The following GIT2 variants were observed in gnomAD, a reference collection of about 807,000 sequenced individuals.
GIT2 encodes ARF GTPase-activating protein GIT2.
In GIT2, 32 loss-of-function variants were observed where a neutral mutation model predicts 100.3. The ratio of observed to expected loss-of-function variants is 0.32; its 90% CI spans 0.24 to 0.43. The LOEUF (loss-of-function observed/expected upper bound fraction) is 0.43, where lower values mean the gene tolerates loss of function less well. GIT2 is among the 20% of genes least tolerant of loss of function. GIT2 has a pLI of 1.00. For synonymous variants in GIT2, 353 were observed against 364.1 expected (o/e 0.97, Z 0.35); for missense variants, 737 against 975.1 (o/e 0.76, Z 3.25).
intron 7 of GIT2, among the ~76,000 whole-genome samples, chr12:109,980,485 T>A (rs1467045933): frequency 6.6e-6 from 1 of 152,206 alleles, no homozygotes; most frequent in African/African-American, 2.4e-5. Context: ...ATAAAACAAG[T>A]AACTGGCTAG....
In GIT2 at chr12:109,948,797, A is replaced by C; in HGVS notation, c.1393-1293T>G. 1 of 1,598,652 alleles carries C rather than the reference A, an allele frequency of 6.3e-7. No homozygotes were observed. Among genetic ancestry groups the C allele is most frequent in the South Asian group, 1.1e-5 (1 of 87,644 alleles). ...TAGAAAGCACCAATCTGTGAAAAATACACCAATAGTAGTTGCTCCTCTTCA... is the reference window on the plus strand; with the variant it reads ...TAGAAAGCACCAATCTGTGAAAAATCCACCAATAGTAGTTGCTCCTCTTCA... On this transcript the variant is annotated intron_variant, in intron 14 of 19. Coordinates refer to ENST00000355312, the MANE Select transcript of GIT2 (RefSeq NM_057169.5). The surrounding 1 kb of genome is among the most constrained non-coding windows in gnomAD (Gnocchi z 4.3).
intron 3 of GIT2, 38 bp from the exon 4 acceptor site, chr12:109,989,106 C>T: frequency 8.6e-7 from 1 of 1,168,920 alleles, no homozygotes; most frequent in Non-Finnish European, 1.3e-6. Flanking sequence ...TTCACTCGTT[C>T]AGATACAACA....
rs1872376747 is a variant in GIT2 at position 109,934,281 on chromosome 12, G to A, written c.2004-196C>T. On this transcript the variant is annotated intron_variant, in intron 18 of 19. Transcript: ENST00000355312. This position sits in a 1 kb window ranked among gnomAD's most constrained non-coding sequence, Gnocchi z 4.5. ...TCATTGCTTCCTAAAAGTTCAATCT[G>A]ATGAAAAGTCTCCAGGTATGAAATA... 1.7e-6 allele frequency: 1 copy of A among 579,330 alleles called. No individual in the cohort carries two copies. Among genetic ancestry groups the A allele is most frequent in the East Asian group, 2.9e-5 (1 of 35,058 alleles). 35.9% of individuals were successfully genotyped at this position (579,330 alleles called of 1,614,324 possible).
chr12:109,965,492 A>AT (rs1456043005), intron 9 of GIT2, 34 bp downstream of exon 9: 2 of 1,324,262 alleles, frequency 1.5e-6, no homozygotes, highest in Non-Finnish European at 2.2e-6. Context: ...ACTGATTCTC[A>AT]TACTAGAGAA....
chr12:109,961,655 T>C lies in GIT2; in HGVS notation c.847A>G (p.Met283Val), dbSNP rs777423599. The stretch of plus-strand genomic sequence containing the variant: ...CTGTCAACTTCATCGTACACATCCA[T>C]GGCAAGTTCTTCAAACAAATGATTA... ...LSNHLFEELAMDVYDEVDRRE... is the reference protein window; with the variant it reads ...LSNHLFEELAVDVYDEVDRRE... Residue 283 changes from methionine to valine, a missense_variant, in exon 10 of 20, where the codon ATG (methionine) becomes GTG (valine). This residue lies in a region of GIT2 where 266 missense variants were observed against 376.2 expected (regional missense o/e 0.71). Coordinates refer to ENST00000355312, the MANE Select transcript of GIT2 (RefSeq NM_057169.5). 5 of 1,605,830 alleles carry C rather than the reference T, an allele frequency of 3.1e-6. No homozygotes were observed. The highest frequency in any genetic ancestry group is 2.7e-5 in the African/African-American group (2 of 74,744).
At chr12:109,952,511 C>A (rs762197995) in intron 13 of GIT2, 12 of 518,884 alleles carry the variant, frequency 2.3e-5, no homozygotes, top group African/African-American at 2.3e-4. Context: ...GGGTGTCATA[C>A]CCCTCCTGCT....
chr12:109,954,799 T>C (rs1403279630), intron 12 of GIT2, among the ~76,000 whole-genome samples: 3 of 151,548 alleles, frequency 2.0e-5, no homozygotes, highest in Non-Finnish European at 2.9e-5. Context: ...CTTGGGAGGC[T>C]GAGGCAGGAG....
At chr12:109,973,665 T>C (rs946905436) in intron 7 of GIT2, among the ~76,000 whole-genome samples, 3 of 152,132 alleles carry the variant, frequency 2.0e-5, no homozygotes, top group Non-Finnish European at 2.9e-5. Flanking sequence ...TGATTTCTGC[T>C]CTTTACTATT....
chr12:109,943,366 C>T (rs554779418), intron 16 of GIT2, among the ~76,000 whole-genome samples: 3 of 151,972 alleles, frequency 2.0e-5, no homozygotes, highest in Non-Finnish European at 2.9e-5. Context: ...CTCACTCTGT[C>T]GCCCAGGCTG....
chr12:109,949,858 T>G (rs1018759677), intron 14 of GIT2, among the ~76,000 whole-genome samples: 17 of 152,182 alleles, frequency 1.1e-4, no homozygotes, highest in African/African-American at 4.1e-4. Context: ...TTAGTCCAAT[T>G]AATGGAACAA....
At chr12:109,952,891 C>G (rs117645704) in intron 13 of GIT2, 1 of 598,714 alleles carries the variant, frequency 1.7e-6, no homozygotes, top group Admixed American at 3.0e-5. Context: ...ACCAATCACT[C>G]CTCACAAGTT....
At chr12:109,967,666 T>C (rs1434341918) in intron 7 of GIT2, among the ~76,000 whole-genome samples, 163 bp from the exon 8 acceptor site, 1 of 152,210 alleles carries the variant, frequency 6.6e-6, no homozygotes, top group Non-Finnish European at 1.5e-5. Context: ...ACCCAGCTAG[T>C]AGTAAGGCTC....
At chr12:109,975,174 T>A (rs1175357630) in intron 7 of GIT2, among the ~76,000 whole-genome samples, 1 of 152,166 alleles carries the variant, frequency 6.6e-6, no homozygotes, top group East Asian at 1.9e-4. Flanking sequence ...AAAATGGGTT[T>A]CTTGTAGACA....
rs113584470 is a variant in GIT2, at chr12:109,947,121, T to C, written c.1641+135A>G. On this transcript the variant is annotated intron_variant, in intron 15 of 19. Coordinates refer to ENST00000355312, the MANE Select transcript of GIT2 (RefSeq NM_057169.5). The surrounding 1 kb of genome is among the most constrained non-coding windows in gnomAD (Gnocchi z 4.3). ...TCGCAAGCATCTGTGGACATGTTAA[T>C]ACAGCAAACACAATGGTAACTCTCT... 658 of 794,154 alleles carry C rather than the reference T, an allele frequency of 8.3e-4. 4 individuals are homozygous for C. In the African/African-American group the frequency reaches 0.01, roughly 12 times the overall value. The allele number at this position is 794,154 out of a possible 1,614,324, so 49.2% of individuals were successfully genotyped here.
chr12:109,957,529 C>T (rs1237901834), intron 12 of GIT2, among the ~76,000 whole-genome samples: 6 of 145,714 alleles, frequency 4.1e-5, no homozygotes, highest in South Asian at 2.1e-4. Flanking sequence ...TTTTTTGAGA[C>T]GGAGTCTTGC....
chr12:109,951,068 A>C (rs1389004675), intron 14 of GIT2, 99 bp downstream of exon 14: 9 of 1,008,868 alleles, frequency 8.9e-6, no homozygotes, highest in Non-Finnish European at 1.2e-5. Context: ...TGTTACAATA[A>C]CTGTTTTTCT....
intron 7 of GIT2, among the ~76,000 whole-genome samples, chr12:109,976,030 A>G (rs966905123): frequency 2.0e-4 from 30 of 151,610 alleles, no homozygotes; most frequent in African/African-American, 7.0e-4. Context: ...TCAGCCTCCC[A>G]AAGTGCTGGG....
At chr12:109,959,555 CTATT>C (rs989468990) in intron 12 of GIT2, among the ~76,000 whole-genome samples, 15 of 152,010 alleles carry the variant, frequency 9.9e-5, no homozygotes, top group Admixed American at 5.2e-4. Context: ...GACAGGTAAA[CTATT>C]TATCACAATA....
upstream of GIT2, chr12:109,999,801 G>A (rs1230145899): frequency 1.3e-6 from 2 of 1,526,048 alleles, no homozygotes; most frequent in African/African-American, 1.4e-5. This position sits in a 1 kb window ranked among gnomAD's most constrained non-coding sequence, Gnocchi z 4.3. Context: ...GGCGGGGCGG[G>A]GGTCCGTCTC....
Sources: gnomAD v4.1 joint callset for allele counts (sites outside exome capture counted in the v4.1 genomes callset) on GRCh38, gnomAD v4.1.1 for gene constraint, gnomAD v4.1.1 regional missense constraint, Gnocchi (gnomAD v3.1) non-coding constraint, MANE v1.5 for transcripts, NCBI Gene and HGNC (gene_info 2026-07-23, HGNC 2026-07-21) for gene names.